Variants in TNFAIP8 observed in about 807,000 individuals in gnomAD.
TNFAIP8 encodes tumor necrosis factor alpha-induced protein 8.
A neutral mutation model predicts 13.3 loss-of-function variants in TNFAIP8; 7 were observed. The ratio of observed to expected loss-of-function variants is 0.52; its 90% CI spans 0.30 to 0.99. The LOEUF (loss-of-function observed/expected upper bound fraction) is 0.99. TNFAIP8 is among the 50% of genes least tolerant of loss of function. The pLI, the probability that TNFAIP8 is intolerant of heterozygous loss-of-function variation, is 0.07. For missense variants in TNFAIP8, 258 were observed against 236.9 expected, an observed-to-expected ratio of 1.09 and a Z score of -0.58; for synonymous variants, 94 against 87.6, an observed-to-expected ratio of 1.07 and a Z score of -0.41.
At chr5:119,277,374 T>C (rs886205551) in intron 1 of TNFAIP8, among the ~76,000 whole-genome samples, 1 of 152,244 alleles carries the variant, frequency 6.6e-6, no homozygotes, top group African/African-American at 2.4e-5. Flanking sequence ...TTTGATTTTT[T>C]AGTGTAGACA....
intron 1 of TNFAIP8, among the ~76,000 whole-genome samples, chr5:119,378,098 C>T (rs56303741): frequency 0.094 from 14,282 of 152,166 alleles, 995 homozygotes; most frequent in African/African-American, 0.21. Flanking sequence ...AGCTAAATTT[C>T]CCAATTTTCT....
At chr5:119,279,249 T>C (rs571449340) in intron 1 of TNFAIP8, among the ~76,000 whole-genome samples, 18 of 152,348 alleles carry the variant, frequency 1.2e-4, no homozygotes, top group Non-Finnish European at 4.4e-5. Context: ...GTGGCTCAGC[T>C]GCCCTCCCAT....
At chr5:119,282,087 A>T (rs995290215) in intron 1 of TNFAIP8, among the ~76,000 whole-genome samples, 2 of 152,168 alleles carry the variant, frequency 1.3e-5, no homozygotes, top group African/African-American at 4.8e-5. Context: ...ACTATATATC[A>T]TTTCATTCAG....
intron 1 of TNFAIP8, among the ~76,000 whole-genome samples, chr5:119,378,202 AAACGGGGATGCCTG>A (rs1752352706): frequency 6.6e-6 from 1 of 152,246 alleles, no homozygotes; most frequent in South Asian, 2.1e-4. Flanking sequence ...GATCTAAATA[AAACGGGGATGCCTG>A]GGCATGCGGA....
At chr5:119,348,788 G>A (rs1751005380) in intron 1 of TNFAIP8, among the ~76,000 whole-genome samples, 1 of 148,724 alleles carries the variant, frequency 6.7e-6, no homozygotes, top group South Asian at 2.2e-4. Context: ...ATTGAGGCAG[G>A]AGAATTGCTT....
At chr5:119,335,229 C>G (rs904809858) in intron 1 of TNFAIP8, among the ~76,000 whole-genome samples, 1 of 152,124 alleles carries the variant, frequency 6.6e-6, no homozygotes, top group African/African-American at 2.4e-5. Context: ...AGGATAAACT[C>G]TAGTGTGATA....
rs186439996 is a variant in TNFAIP8 at position 119,369,819 on chromosome 5, C to T, written c.31+13698C>T. 3.4e-4 allele frequency among the ~76,000 whole-genome samples: 52 copies of T among 152,302 alleles called. 1 individual carries two copies. The highest frequency in any genetic ancestry group is 1.1e-3 in the African/African-American group (46 of 41,572). ...CCTTCGAGCCAGTGTGAGTGATATT[C>T]CATCTCCTAGTCTGTGTTTTGGATC... is the stretch of plus-strand genomic sequence containing the variant. On this transcript the variant is annotated intron_variant, in intron 1 of 1. Coordinates refer to ENST00000504771, the MANE Select transcript of TNFAIP8 (RefSeq NM_014350.4).
intron 1 of TNFAIP8, among the ~76,000 whole-genome samples, chr5:119,361,229 C>T (rs1751622212): frequency 7.0e-6 from 1 of 143,536 alleles, no homozygotes; most frequent in African/African-American, 2.6e-5. Context: ...GGCTGCAGCG[C>T]ACTGCCCCCC....
intron 1 of TNFAIP8, among the ~76,000 whole-genome samples, chr5:119,346,450 A>T (rs183286848): frequency 2.1e-3 from 323 of 152,356 alleles, no homozygotes; most frequent in Non-Finnish European, 3.7e-3. Context: ...ACCAGCTAAC[A>T]AAAGAAAAAA....
chr5:119,328,770 T>A (rs1323806118), intron 1 of TNFAIP8, among the ~76,000 whole-genome samples: 3 of 152,208 alleles, frequency 2.0e-5, no homozygotes, highest in African/African-American at 7.2e-5. Flanking sequence ...TACCTTACAA[T>A]TGGATAGTTT....
At chr5:119,390,541 C>A (rs577990395) in intron 1 of TNFAIP8, among the ~76,000 whole-genome samples, 7 of 152,288 alleles carry the variant, frequency 4.6e-5, no homozygotes, top group African/African-American at 1.4e-4. Context: ...ATAAAGTTGG[C>A]TGTTTCTCAC....
At chr5:119,331,296 ACTTG>A (rs1315330425) in intron 1 of TNFAIP8, among the ~76,000 whole-genome samples, 5 of 150,572 alleles carry the variant, frequency 3.3e-5, no homozygotes, top group African/African-American at 1.2e-4. Context: ...ACAAATACTT[ACTTG>A]AGAATCTCCC....
intron 1 of TNFAIP8, among the ~76,000 whole-genome samples, chr5:119,378,357 A>G (rs1752359901): frequency 6.6e-6 from 1 of 152,150 alleles, no homozygotes; most frequent in Admixed American, 6.5e-5. Context: ...GAGTGTCTTG[A>G]TATTTAAAAT....
intron 1 of TNFAIP8, among the ~76,000 whole-genome samples, chr5:119,370,493 T>G (rs764645397): frequency 6.6e-6 from 1 of 152,254 alleles, no homozygotes; most frequent in Non-Finnish European, 1.5e-5. Context: ...TAAAGACCCT[T>G]TATCTTCCTG....
chr5:119,354,403 G>A (rs191476948), upstream of TNFAIP8: 1 of 152,170 alleles, frequency 6.6e-6, no homozygotes, highest in Non-Finnish European at 1.5e-5. Context: ...TAGAATCTTA[G>A]GCAGGTTAGA....
At chr5:119,368,851 T>C (rs1751967932) in intron 1 of TNFAIP8, among the ~76,000 whole-genome samples, 1 of 152,108 alleles carries the variant, frequency 6.6e-6, no homozygotes, top group Admixed American at 6.5e-5. Flanking sequence ...GTGCTTGTGC[T>C]CTGGAGCTCC....
intron 1 of TNFAIP8, among the ~76,000 whole-genome samples, chr5:119,292,324 AAAG>A (rs3055621): frequency 0.77 from 116,481 of 151,364 alleles, 46,670 homozygotes; most frequent in East Asian, 0.95. Flanking sequence ...AAGAAGAAAA[AAAG>A]AAGAATGGGC....
intron 1 of TNFAIP8, among the ~76,000 whole-genome samples, chr5:119,306,173 C>G (rs80250469): frequency 1.3e-5 from 2 of 152,154 alleles, no homozygotes. Flanking sequence ...CAAAACTTGC[C>G]TAAATGATCA....
chr5:119,273,350 A>G (rs1011630102), intron 1 of TNFAIP8, among the ~76,000 whole-genome samples: 3 of 152,228 alleles, frequency 2.0e-5, no homozygotes, highest in Non-Finnish European at 4.4e-5. Flanking sequence ...GTAGAGAGGG[A>G]AAGTAGTAAC....
Sources: allele counts gnomAD v4.1 joint callset (sites outside exome capture counted in the v4.1 genomes callset), GRCh38; gene constraint gnomAD v4.1.1; transcripts MANE v1.5; gene names NCBI Gene and HGNC (gene_info 2026-07-23, HGNC 2026-07-21).